The following FRAS1 variants were observed in gnomAD, a reference collection of about 807,000 sequenced individuals.
FRAS1 encodes the protein extracellular matrix organizing protein FRAS1.
A neutral mutation model predicts 435.2 loss-of-function variants in FRAS1; 290 were observed. That is an observed-to-expected ratio of 0.67 (90% confidence interval 0.61 to 0.73). The LOEUF is 0.73. Ranked by LOEUF, FRAS1 falls within the 30% of genes least tolerant of loss-of-function variation. FRAS1 has a pLI of 0.00. For synonymous variants in FRAS1, 1,800 were observed against 1,851.0 expected, an observed-to-expected ratio of 0.97 and a Z score of 0.71; for missense variants, 4,860 against 5,001.5, an observed-to-expected ratio of 0.97 and a Z score of 0.85.
intron 67 of FRAS1, 40 bp downstream of exon 67, chr4:78,519,521 C>A: frequency 6.3e-7 from 1 of 1,587,272 alleles, no homozygotes; most frequent in South Asian, 1.2e-5. Context: ...TTAGTTAGGG[C>A]TTCACTCAAG....
intron 13 of FRAS1, 181 bp from the exon 14 acceptor site, chr4:78,286,224 C>T (rs1466175248): frequency 1.4e-6 from 1 of 735,254 alleles, no homozygotes; most frequent in Non-Finnish European, 2.4e-6. Flanking sequence ...TAAAGCACTT[C>T]AAACAGTGGC....
Position 78,488,984 on chromosome 4 carries a change from G to T in FRAS1, c.8862G>T (p.Arg2954Ser). ...ACCTGAGCTATGAGTCATCAGTGAG[G>T]TGCTATACTCAGAGCCATTCCGCTC... ...SGDLSYESSV[R>S]CYTQSHSAQV... Residue 2954 changes from arginine (R) to serine (S), a missense_variant, in exon 59 of 74, where the codon AGG (arginine) becomes AGT (serine). Physicochemically the swap from Arg to Ser is moderately radical, Grantham distance 110 (BLOSUM62 -1). Transcript: ENST00000512123. 6.2e-7 allele frequency: 1 copy of T among 1,613,718 alleles called. No individual in the cohort carries two copies. Among genetic ancestry groups the T allele is most frequent in the Non-Finnish European group, 8.5e-7 (1 of 1,179,760 alleles).
At chr4:78,330,584 G>T (rs1729906553) in intron 18 of FRAS1, among the ~76,000 whole-genome samples, 1 of 139,646 alleles carries the variant, frequency 7.2e-6, no homozygotes, top group Non-Finnish European at 1.5e-5. Context: ...ATGCGCGCCT[G>T]GGGGGTCTCT....
At chr4:78,150,306 T>C (rs772455072) in intron 2 of FRAS1, among the ~76,000 whole-genome samples, 4 of 152,196 alleles carry the variant, frequency 2.6e-5, no homozygotes, top group Admixed American at 2.6e-4. Flanking sequence ...GGGAACCTAT[T>C]TTTCCAATGA....
At chr4:78,242,893 G>GATA (rs2110120998) in intron 3 of FRAS1, among the ~76,000 whole-genome samples, 1 of 152,196 alleles carries the variant, frequency 6.6e-6, no homozygotes, top group African/African-American at 2.4e-5. Flanking sequence ...ATCACAGGTC[G>GATA]TGGATTCTAT....
intron 2 of FRAS1, among the ~76,000 whole-genome samples, chr4:78,152,211 G>A (rs1225282113): frequency 6.6e-6 from 1 of 152,114 alleles, no homozygotes. Context: ...ATTTGAATTG[G>A]TGTCTTTCCT....
intron 2 of FRAS1, among the ~76,000 whole-genome samples, chr4:78,082,909 G>GA (rs1740960532): frequency 6.6e-6 from 1 of 152,104 alleles, no homozygotes; most frequent in Non-Finnish European, 1.5e-5. Context: ...CACCTATACT[G>GA]ATATTTCACA....
At position 78,432,016 on chromosome 4, in the gene FRAS1, T is replaced by A. The variant is rs544340432; in HGVS notation, c.4970-341T>A. Among the ~76,000 whole-genome samples, 79 of 152,314 alleles carry A rather than the reference T, an allele frequency of 5.2e-4. 4 individuals carry two copies. The South Asian group carries it at 0.016, about 31-fold the overall frequency. ...AGCTGTCATAAAGAATAGAGGCTTG[T>A]TCTTTATTTTTCTAGAACTAGGAAT... On this transcript the variant is annotated intron_variant, in intron 37 of 73. Transcript: ENST00000512123.
At chr4:78,394,027 C>A (rs928273522) in intron 29 of FRAS1, among the ~76,000 whole-genome samples, 7 of 151,754 alleles carry the variant, frequency 4.6e-5, no homozygotes, top group Non-Finnish European at 8.8e-5. Context: ...GGAGAAATAC[C>A]TATTTAGGTT....
rs1310684504 is a variant in FRAS1 at position 78,541,783 on chromosome 4, T to C, written c.*659T>C. On this transcript the variant is annotated 3_prime_UTR_variant, in exon 74 of 74. Coordinates refer to ENST00000512123, the MANE Select transcript of FRAS1 (RefSeq NM_025074.7). ...GCCTCCTCAGCCACAGAGAACTCCCTCCTACAAAGGGGGAGACTGAAACCC... is the reference window on the plus strand; with the variant it reads ...GCCTCCTCAGCCACAGAGAACTCCCCCCTACAAAGGGGGAGACTGAAACCC... 1 of 152,148 alleles carries C rather than the reference T, an allele frequency of 6.6e-6. No individual in the cohort carries two copies. Among genetic ancestry groups the C allele is most frequent in the Non-Finnish European group, 1.5e-5 (1 of 68,028 alleles). The allele number at this position is 152,148 out of a possible 1,614,324, so 9.4% of individuals were successfully genotyped here. A position where few individuals can be genotyped will look rare whatever the true frequency, so the allele number is the denominator to read the frequency against.
intron 30 of FRAS1, among the ~76,000 whole-genome samples, chr4:78,402,531 T>A (rs569786885): frequency 8.3e-4 from 127 of 152,224 alleles, no homozygotes; most frequent in African/African-American, 2.9e-3. Context: ...TAAAAAAATT[T>A]AAAAAAACAT....
chr4:78,172,345 AACAG>A (rs1488025857), intron 2 of FRAS1, among the ~76,000 whole-genome samples: 1 of 152,178 alleles, frequency 6.6e-6, no homozygotes, highest in African/African-American at 2.4e-5. Flanking sequence ...GATGGGAAAA[AACAG>A]ACAAATACAT....
chr4:78,411,730 T>C (rs1219173412), intron 31 of FRAS1, among the ~76,000 whole-genome samples: 1 of 152,176 alleles, frequency 6.6e-6, no homozygotes, highest in Non-Finnish European at 1.5e-5. Context: ...TTTCACTACC[T>C]ATTCAATGTT....
At chr4:78,300,149 G>A (rs1164398543) in intron 14 of FRAS1, among the ~76,000 whole-genome samples, 2 of 152,174 alleles carry the variant, frequency 1.3e-5, no homozygotes, top group African/African-American at 4.8e-5. Context: ...ATACATGAAT[G>A]TCAGGCAGAT....
At chr4:78,089,538 C>A (rs1211622911) in intron 2 of FRAS1, among the ~76,000 whole-genome samples, 3 of 152,116 alleles carry the variant, frequency 2.0e-5, no homozygotes, top group African/African-American at 7.2e-5. Context: ...TTTATTTAGA[C>A]TGTTTTGAAT....
At chr4:78,194,347 G>A (rs911592238) in intron 2 of FRAS1, among the ~76,000 whole-genome samples, 1 of 152,164 alleles carries the variant, frequency 6.6e-6, no homozygotes, top group Admixed American at 6.5e-5. Context: ...AGTTCTCCTG[G>A]CTAATATCCT....
intron 2 of FRAS1, among the ~76,000 whole-genome samples, chr4:78,076,778 T>A (rs1740659637): frequency 6.6e-6 from 1 of 152,146 alleles, no homozygotes; most frequent in Non-Finnish European, 1.5e-5. Flanking sequence ...ATAACTCAAG[T>A]GCATAGGAAA....
intron 69 of FRAS1, among the ~76,000 whole-genome samples, chr4:78,525,689 A>G (rs1322463111): frequency 2.0e-5 from 3 of 152,188 alleles, no homozygotes; most frequent in Non-Finnish European, 2.9e-5. Context: ...TCTCCATTCA[A>G]TGGATGACAG....
rs753061505 is a variant in FRAS1 at position 78,308,201 on chromosome 4, C to T, written c.1670C>T (p.Thr557Ile). 1 of 1,613,818 alleles carries T rather than the reference C, an allele frequency of 6.2e-7. No homozygotes were observed. Among genetic ancestry groups the T allele is most frequent in the South Asian group, 1.1e-5 (1 of 91,044 alleles). ...CGKGFYNRQG[T>I]CSACDQSCDS... ...AAAGGCTTCTACAACAGGCAGGGCA[C>T]CTGTAGCGGTGAGTGCTGGGTTGCG... Residue 557 changes from threonine to isoleucine, a missense_variant, in exon 15 of 74, where the codon ACC (threonine) becomes ATC (isoleucine). Thr to Ile is a moderately conservative substitution (Grantham distance 89). Coordinates refer to ENST00000512123, the MANE Select transcript of FRAS1 (RefSeq NM_025074.7).
Sources: allele counts gnomAD v4.1 joint callset (sites outside exome capture counted in the v4.1 genomes callset), GRCh38; gene constraint gnomAD v4.1.1; transcripts MANE v1.5; gene names NCBI Gene and HGNC (gene_info 2026-07-23, HGNC 2026-07-21).